Variants in MAP3K7 observed in about 807,000 individuals in gnomAD.
MAP3K7 encodes TGF-beta activated kinase 1.
In MAP3K7, 21 loss-of-function variants were observed where a neutral mutation model predicts 84.8. The ratio of observed to expected loss-of-function variants is 0.25; its 90% CI spans 0.18 to 0.36. MAP3K7 has a LOEUF of 0.36. MAP3K7 is among the 10% of genes least tolerant of loss of function. The pLI, the probability that MAP3K7 is intolerant of heterozygous loss-of-function variation, is 1.00. For synonymous variants in MAP3K7, 241 were observed against 247.7 expected, an observed-to-expected ratio of 0.97 and a Z score of 0.25; for missense variants, 503 against 747.7, an observed-to-expected ratio of 0.67 and a Z score of 3.82.
chr6:90,549,015 G>A (rs1776094177), intron 9 of MAP3K7, among the ~76,000 whole-genome samples: 1 of 152,068 alleles, frequency 6.6e-6, no homozygotes, highest in South Asian at 2.1e-4. Flanking sequence ...AGAGAAGCTA[G>A]TGAATGCAAA....
intron 1 of MAP3K7, among the ~76,000 whole-genome samples, chr6:90,576,843 G>A (rs1030298010): frequency 6.6e-6 from 1 of 152,148 alleles, no homozygotes; most frequent in Admixed American, 6.5e-5. Flanking sequence ...GTGTATAGTG[G>A]AGGAAGGGAA....
At chr6:90,581,751 TATTG>T (rs1367922089) in intron 1 of MAP3K7, among the ~76,000 whole-genome samples, 4 of 151,942 alleles carry the variant, frequency 2.6e-5, no homozygotes, top group Admixed American at 2.0e-4. Context: ...TGAAAGAATG[TATTG>T]ATTATTTTAG....
chr6:90,574,750 G>A (rs1020943985), intron 1 of MAP3K7, among the ~76,000 whole-genome samples: 1 of 152,152 alleles, frequency 6.6e-6, no homozygotes, highest in African/African-American at 2.4e-5. Context: ...GTGCCACCTA[G>A]TGATGAGAGT....
At chr6:90,541,044 A>C (rs917897457) in intron 12 of MAP3K7, among the ~76,000 whole-genome samples, 4 of 151,924 alleles carry the variant, frequency 2.6e-5, no homozygotes, top group Admixed American at 2.6e-4. Context: ...TATGGGAAAA[A>C]GTAAAGAAAA....
intron 5 of MAP3K7, among the ~76,000 whole-genome samples, chr6:90,557,220 G>A (rs776961785): frequency 1.3e-5 from 2 of 151,942 alleles, no homozygotes; most frequent in Non-Finnish European, 2.9e-5. Flanking sequence ...CTTAAGATTC[G>A]GACTTTCCTA....
At chr6:90,557,543 G>A (rs188179481) in intron 5 of MAP3K7, among the ~76,000 whole-genome samples, 10 of 152,164 alleles carry the variant, frequency 6.6e-5, no homozygotes, top group Non-Finnish European at 8.8e-5. Context: ...GCTAAATCCA[G>A]TATACCTCTA....
Position 90,516,427 on chromosome 6 carries a change from T to C in MAP3K7, c.*74A>G, listed in dbSNP as rs1208304032. 1.4e-6 allele frequency: 2 copies of C among 1,481,190 alleles called. No individual in the cohort carries two copies. The highest frequency in any genetic ancestry group is 1.2e-5 in the South Asian group (1 of 82,074). 91.8% of individuals were successfully genotyped at this position (1,481,190 alleles called of 1,614,324 possible). A position where few individuals can be genotyped will look rare whatever the true frequency, so the allele number is the denominator to read the frequency against. ...CCAAAAAGCTAACACTCATGAATCG[T>C]CATTATAAGGTTTTCCTTTCCTTAA... On this transcript the variant is annotated 3_prime_UTR_variant, in exon 17 of 17. Coordinates refer to ENST00000369329, the MANE Select transcript of MAP3K7 (RefSeq NM_145331.3).
At chr6:90,562,453 T>C (rs1358520393) in intron 3 of MAP3K7, among the ~76,000 whole-genome samples, 1 of 152,182 alleles carries the variant, frequency 6.6e-6, no homozygotes, top group Non-Finnish European at 1.5e-5. Context: ...GAGGGTCCCA[T>C]GCCCACGGTG....
intron 9 of MAP3K7, among the ~76,000 whole-genome samples, chr6:90,548,719 TTGGGGAGA>T (rs1776084060): frequency 6.7e-6 from 1 of 149,956 alleles, no homozygotes; most frequent in South Asian, 2.1e-4. Context: ...CATTTCTAGG[TTGGGGAGA>T]TGAGGAATAA....
chr6:90,571,950 G>A, intron 1 of MAP3K7, 143 bp from the exon 2 acceptor site: 1 of 481,992 alleles, frequency 2.1e-6, no homozygotes, highest in Non-Finnish European at 3.6e-6. Flanking sequence ...AACAGTATCT[G>A]GATTTGCCAC....
rs920453204 is a variant in MAP3K7, at chr6:90,539,312, G to A, written c.1292-2911C>T. On this transcript the variant is annotated intron_variant, in intron 12 of 16. Coordinates refer to ENST00000369329, the MANE Select transcript of MAP3K7 (RefSeq NM_145331.3). Reference sequence around the variant, plus strand: ...GGTAGACTATACAATATGGCAGAAAGGCCACCTAAATATTCATTATAAAGT... The same window carrying A: ...GGTAGACTATACAATATGGCAGAAAAGCCACCTAAATATTCATTATAAAGT... Among the ~76,000 whole-genome samples the A allele has an allele frequency of 4.0e-5, 6 of 151,798 alleles. No homozygotes were observed. In the East Asian group the frequency reaches 5.8e-4, roughly 15 times the overall value.
chr6:90,534,016 G>A (rs1019109235), intron 13 of MAP3K7, among the ~76,000 whole-genome samples: 1 of 152,114 alleles, frequency 6.6e-6, no homozygotes, highest in African/African-American at 2.4e-5. Flanking sequence ...TAATTAAGAA[G>A]CTTGCTTCAT....
At chr6:90,537,315 C>T (rs1286171679) in intron 12 of MAP3K7, 1 of 152,010 alleles carries the variant, frequency 6.6e-6, no homozygotes, top group East Asian at 1.9e-4. Context: ...GTGGGCAACA[C>T]TTAGAACATG....
chr6:90,549,895 A>AT (rs1491218191), intron 9 of MAP3K7, among the ~76,000 whole-genome samples: 1 of 152,198 alleles, frequency 6.6e-6, no homozygotes, highest in Non-Finnish European at 1.5e-5. Flanking sequence ...AGACACACAC[A>AT]TATCTTTAAG....
At chr6:90,527,672 A>G (rs940769662) in intron 13 of MAP3K7, among the ~76,000 whole-genome samples, 3 of 152,200 alleles carry the variant, frequency 2.0e-5, no homozygotes, top group Non-Finnish European at 4.4e-5. Flanking sequence ...AGGGAAGGCC[A>G]CAGGCGAGGA....
chr6:90,529,817 G>T (rs1775445041), intron 13 of MAP3K7, among the ~76,000 whole-genome samples: 1 of 152,118 alleles, frequency 6.6e-6, no homozygotes, highest in African/African-American at 2.4e-5. Flanking sequence ...CAGAGACCAT[G>T]CGTACTTTTT....
At chr6:90,576,848 A>C (rs1777100757) in intron 1 of MAP3K7, among the ~76,000 whole-genome samples, 1 of 152,172 alleles carries the variant, frequency 6.6e-6, no homozygotes, top group Non-Finnish European at 1.5e-5. Flanking sequence ...TAGTGGAGGA[A>C]GGGAAGAGTG....
At chr6:90,532,811 C>A (rs548884107) in intron 13 of MAP3K7, among the ~76,000 whole-genome samples, 8 of 152,184 alleles carry the variant, frequency 5.3e-5, no homozygotes, top group Non-Finnish European at 8.8e-5. Flanking sequence ...GATACAGCTA[C>A]AATTCATCAT....
chr6:90,567,267 T>G (rs1409026430), intron 3 of MAP3K7, among the ~76,000 whole-genome samples: 3 of 152,124 alleles, frequency 2.0e-5, no homozygotes, highest in Non-Finnish European at 4.4e-5. Context: ...ATCATCAGAG[T>G]GAACACGCAA....
Sources: gnomAD v4.1 joint callset for allele counts (sites outside exome capture counted in the v4.1 genomes callset) on GRCh38, gnomAD v4.1.1 for gene constraint, MANE v1.5 for transcripts, NCBI Gene and HGNC (gene_info 2026-07-23, HGNC 2026-07-21) for gene names.